The following NDUFA7 variants were observed in gnomAD, a reference collection of about 807,000 sequenced individuals.
NDUFA7 encodes NADH dehydrogenase [ubiquinone] 1 alpha subcomplex subunit 7.
NDUFA7 carries 18 observed loss-of-function variants against 14.2 expected under a neutral mutation model. The observed-to-expected ratio is 1.27, with a 90% CI of 0.88 to 1.88. The LOEUF (loss-of-function observed/expected upper bound fraction) is 1.88, where lower values mean the gene tolerates loss of function less well. NDUFA7 is among the 40% of genes most tolerant of loss of function. The pLI is 0.00. For missense variants in NDUFA7, 172 were observed against 147.3 expected (o/e 1.17, Z -0.87); for synonymous variants, 75 against 62.1 (o/e 1.21, Z -0.98).
intron 2 of NDUFA7, among the ~76,000 whole-genome samples, chr19:8,320,358 A>G (rs1568565309): frequency 6.6e-6 from 1 of 152,160 alleles, no homozygotes; most frequent in Non-Finnish European, 1.5e-5. Flanking sequence ...TTCTCCCTAG[A>G]ATGTGGCGTC....
chr19:8,320,912 G>A lies in NDUFA7; in HGVS notation c.52-6C>T. ...AGCTTCCCCTGCAGGTCATGCTGTG[G>A]GAAGAGGAGAGGAGAGGTCGGCCTG... On this transcript the variant is annotated splice_polypyrimidine_tract_variant and splice_region_variant and intron_variant, in intron 1 of 3. Coordinates refer to ENST00000301457, the MANE Select transcript of NDUFA7 (RefSeq NM_005001.5). The A allele has an allele frequency of 1.2e-6, 2 of 1,613,770 alleles. No homozygotes were observed. The highest frequency in any genetic ancestry group is 1.7e-6 in the Non-Finnish European group (2 of 1,180,016).
At chr19:8,309,201 C>G (rs969470041), downstream of NDUFA7, among the ~76,000 whole-genome samples, 2 of 151,970 alleles carry the variant, frequency 1.3e-5, no homozygotes, top group Non-Finnish European at 2.9e-5. Flanking sequence ...TTGGCCGGCG[C>G]GCTGGCTCAC....
At chr19:8,315,263 C>G (rs1424837813) in intron 3 of NDUFA7, among the ~76,000 whole-genome samples, 1 of 152,090 alleles carries the variant, frequency 6.6e-6, no homozygotes, top group Non-Finnish European at 1.5e-5. Flanking sequence ...CAGCCCGACA[C>G]CGGTAAAGGG....
chr19:8,316,714 G>A (rs1488259676), intron 2 of NDUFA7, 69 bp from the exon 3 acceptor site: 3 of 1,367,362 alleles, frequency 2.2e-6, no homozygotes, highest in Non-Finnish European at 3.1e-6. Flanking sequence ...GTGGGCCCCT[G>A]TCACCTCAGT....
intron 3 of NDUFA7, among the ~76,000 whole-genome samples, chr19:8,312,572 C>A (rs1358841206): frequency 6.6e-6 from 1 of 152,202 alleles, no homozygotes; most frequent in East Asian, 1.9e-4. Flanking sequence ...CGTCCGCCTC[C>A]CAGGCTTGAG....
chr19:8,317,926 G>A (rs1276214589), intron 2 of NDUFA7, among the ~76,000 whole-genome samples: 1 of 152,048 alleles, frequency 6.6e-6, no homozygotes, highest in East Asian at 1.9e-4. Context: ...TCTCACCTTG[G>A]CCTCCCAAAG....
downstream of NDUFA7, chr19:8,308,661 A>C: frequency 3.5e-6 from 1 of 287,744 alleles, no homozygotes; most frequent in Non-Finnish European, 6.5e-6. Flanking sequence ...TTCCTCCCTC[A>C]TCCCACTGCT....
At position 8,315,168 on chromosome 19, in the gene NDUFA7, G is replaced by A. The variant is rs545137174; in HGVS notation, c.251+1328C>T. ...AGAAGGCCACAGGGTTCCCTGCCTA[G>A]GAAAGCCAGGCATTGTCCAAGGTTT... On this transcript the variant is annotated intron_variant, in intron 3 of 3. Transcript: ENST00000301457. Among the ~76,000 whole-genome samples, 5 of 152,308 alleles carry A rather than the reference G, an allele frequency of 3.3e-5. No individual in the cohort carries two copies. In the South Asian group the frequency reaches 6.2e-4, roughly 19 times the overall value.
In NDUFA7 at chr19:8,316,523, G is replaced by A. The variant is rs753164049; in HGVS notation, c.224C>T (p.Ala75Val). 16 of 1,613,896 alleles carry A rather than the reference G, an allele frequency of 9.9e-6. No individual in the cohort carries two copies. Among genetic ancestry groups the A allele is most frequent in the Middle Eastern group, 1.6e-4 (1 of 6,084 alleles). ...PPSIIMSSQK[A>V]LVSGKPAESS... ...CTCTGCTGGCTTGCCTGACACCAGC[G>A]CCTTCTGCGACGACATGATGATGGA... Residue 75 changes from alanine (A) to valine (V), a missense_variant, in exon 3 of 4, where the codon GCG becomes GTG. By Grantham distance (64) the Ala-to-Val change is moderately conservative (BLOSUM62 0). Coordinates refer to ENST00000301457, the MANE Select transcript of NDUFA7 (RefSeq NM_005001.5).
intron 3 of NDUFA7, among the ~76,000 whole-genome samples, chr19:8,312,808 G>A (rs536538896): frequency 1.3e-5 from 2 of 152,268 alleles, no homozygotes; most frequent in East Asian, 1.9e-4. Flanking sequence ...GGGCCTACGG[G>A]TGCACACCAC....
At chr19:8,312,955 G>A (rs973626756) in intron 3 of NDUFA7, among the ~76,000 whole-genome samples, 19 of 151,954 alleles carry the variant, frequency 1.3e-4, no homozygotes, top group African/African-American at 4.6e-4. Flanking sequence ...GAGAGCCACA[G>A]CGCCCCTAAC....
intron 3 of NDUFA7, 33 bp downstream of exon 3, chr19:8,316,463 G>A (rs1306811239): frequency 1.2e-6 from 2 of 1,609,948 alleles, no homozygotes; most frequent in Non-Finnish European, 1.7e-6. Context: ...AGGGGGCATG[G>A]GGGCTGTGGT....
At chr19:8,315,967 T>C (rs549941342) in intron 3 of NDUFA7, among the ~76,000 whole-genome samples, 94 of 151,854 alleles carry the variant, frequency 6.2e-4, no homozygotes, top group African/African-American at 1.9e-3. Context: ...CTGGCCAAGA[T>C]GGTGAAACCC....
intron 2 of NDUFA7, among the ~76,000 whole-genome samples, chr19:8,319,017 A>G (rs1003959862): frequency 6.6e-6 from 1 of 150,760 alleles, no homozygotes; most frequent in Non-Finnish European, 1.5e-5. Context: ...ATGAATCACT[A>G]GAGGGTGCCG....
intron 2 of NDUFA7, chr19:8,319,667 T>A (rs1241724015): frequency 3.9e-5 from 6 of 152,116 alleles, no homozygotes; most frequent in African/African-American, 1.4e-4. Flanking sequence ...TTAATGCTAT[T>A]TTTCTTCCTT....
downstream of NDUFA7, among the ~76,000 whole-genome samples, chr19:8,309,447 C>T (rs1246981989): frequency 1.3e-5 from 2 of 151,626 alleles, no homozygotes; most frequent in East Asian, 1.9e-4. Flanking sequence ...GAACTCCAGC[C>T]TGGGTGACAG....
chr19:8,321,273 G>A (rs1568565853), intron 1 of NDUFA7, 35 bp downstream of exon 1: 1 of 1,521,676 alleles, frequency 6.6e-7, no homozygotes, highest in South Asian at 1.2e-5. Flanking sequence ...GGAGCCCGAA[G>A]CCCCCCATGG....
chr19:8,315,887 G>A (rs1284799787), intron 3 of NDUFA7, among the ~76,000 whole-genome samples: 1 of 151,958 alleles, frequency 6.6e-6, no homozygotes, highest in Non-Finnish European at 1.5e-5. Flanking sequence ...AGGCACGGTG[G>A]GTCACGCCTG....
intron 1 of NDUFA7, 141 bp downstream of exon 1, chr19:8,321,167 G>A (rs1369419994): frequency 1.2e-5 from 13 of 1,120,736 alleles, no homozygotes; most frequent in South Asian, 1.6e-5. Flanking sequence ...CCGGGCTGAA[G>A]GGGTGACTAG....
Sources: gnomAD v4.1 joint callset for allele counts (sites outside exome capture counted in the v4.1 genomes callset) on GRCh38, gnomAD v4.1.1 for gene constraint, MANE v1.5 for transcripts, NCBI Gene and HGNC (gene_info 2026-07-23, HGNC 2026-07-21) for gene names.